The following EHBP1 variants were observed in gnomAD, a reference collection of about 807,000 sequenced individuals.
EHBP1 encodes EH domain binding protein 1.
EHBP1 carries 55 observed loss-of-function variants against 144.0 expected under a neutral mutation model. The observed-to-expected ratio is 0.38, with a 90% CI of 0.31 to 0.48. EHBP1 has a LOEUF of 0.48. Ranked by LOEUF, EHBP1 falls within the 20% of genes least tolerant of loss-of-function variation. EHBP1 has a pLI of 0.98. For missense variants in EHBP1, 1,200 were observed against 1,364.2 expected, an observed-to-expected ratio of 0.88 and a Z score of 1.90; for synonymous variants, 469 against 472.7, an observed-to-expected ratio of 0.99 and a Z score of 0.10.
chr2:63,043,521 A>G (rs1178391248), intron 21 of EHBP1, among the ~76,000 whole-genome samples: 4 of 152,240 alleles, frequency 2.6e-5, no homozygotes, highest in Non-Finnish European at 4.4e-5. Context: ...ATAGTGATAA[A>G]TTGAATAAAA....
intron 1 of EHBP1, among the ~76,000 whole-genome samples, chr2:62,686,127 C>G (rs1410277840): frequency 6.6e-6 from 1 of 152,070 alleles, no homozygotes; most frequent in African/African-American, 2.4e-5. Context: ...TCATACAAAC[C>G]AAGTGATGAC....
intron 13 of EHBP1, among the ~76,000 whole-genome samples, 157 bp downstream of exon 13, chr2:62,949,319 C>A (rs530554670): frequency 6.6e-6 from 1 of 152,082 alleles, no homozygotes; most frequent in Non-Finnish European, 1.5e-5. Context: ...CCTAAGTCCC[C>A]ACTATTTGGG....
chr2:62,961,260 ATT>A (rs1227557954), intron 14 of EHBP1, among the ~76,000 whole-genome samples: 1 of 152,208 alleles, frequency 6.6e-6, no homozygotes, highest in Non-Finnish European at 1.5e-5. Flanking sequence ...ACCATTGCAT[ATT>A]TTAGTGAATA....
intron 3 of EHBP1, among the ~76,000 whole-genome samples, chr2:62,749,872 T>G (rs2039513973): frequency 6.6e-6 from 1 of 152,248 alleles, no homozygotes; most frequent in Non-Finnish European, 1.5e-5. Context: ...CTTTGTAGAT[T>G]CTGGATATTA....
chr2:62,955,028 T>A (rs756899002), intron 13 of EHBP1, among the ~76,000 whole-genome samples: 1 of 152,122 alleles, frequency 6.6e-6, no homozygotes, highest in Admixed American at 6.5e-5. Flanking sequence ...TACTTTTTTT[T>A]AATGAAATAT....
At chr2:62,841,114 G>A (rs1355277966) in intron 7 of EHBP1, among the ~76,000 whole-genome samples, 1 of 152,086 alleles carries the variant, frequency 6.6e-6, no homozygotes, top group Non-Finnish European at 1.5e-5. Flanking sequence ...TGATAGACTG[G>A]ATTAAGAAAA....
chr2:63,038,891 C>A, intron 21 of EHBP1, 75 bp downstream of exon 21: 1 of 1,386,900 alleles, frequency 7.2e-7, no homozygotes. Flanking sequence ...TAATACACTT[C>A]TGGTCTTACT....
intron 8 of EHBP1, among the ~76,000 whole-genome samples, chr2:62,860,551 A>T (rs999562150): frequency 2.6e-5 from 4 of 152,148 alleles, no homozygotes; most frequent in African/African-American, 9.7e-5. Flanking sequence ...CTTTTCATAG[A>T]TTAGGAAGCT....
At chr2:62,784,697 A>G (rs1280162321) in intron 5 of EHBP1, among the ~76,000 whole-genome samples, 1 of 152,190 alleles carries the variant, frequency 6.6e-6, no homozygotes, top group Non-Finnish European at 1.5e-5. Context: ...AAAGGCACAG[A>G]GATAAAATTG....
intron 16 of EHBP1, 55 bp from the exon 17 acceptor site, chr2:62,993,475 T>C: frequency 7.3e-7 from 1 of 1,379,130 alleles, no homozygotes. Context: ...TACTAATGTG[T>C]AATTTTATGT....
At chr2:62,889,861 A>G (rs759046156) in intron 10 of EHBP1, among the ~76,000 whole-genome samples, 3 of 150,206 alleles carry the variant, frequency 2.0e-5, no homozygotes, top group African/African-American at 7.4e-5. Context: ...GCCCTGTAGT[A>G]TAGTTTGAAG....
At chr2:62,734,030 TG>T (rs2037866837) in intron 2 of EHBP1, among the ~76,000 whole-genome samples, 1 of 152,220 alleles carries the variant, frequency 6.6e-6, no homozygotes, top group Non-Finnish European at 1.5e-5. Context: ...TCAGTTTGTT[TG>T]TTTTTTTATG....
chr2:62,911,914 A>G (rs551689424), intron 10 of EHBP1, among the ~76,000 whole-genome samples: 8 of 152,220 alleles, frequency 5.3e-5, no homozygotes, highest in Non-Finnish European at 7.4e-5. Flanking sequence ...AGATTTTTCA[A>G]TGAGAATACT....
At chr2:62,933,420 C>G (rs1170742564) in intron 10 of EHBP1, among the ~76,000 whole-genome samples, 2 of 152,128 alleles carry the variant, frequency 1.3e-5, no homozygotes, top group African/African-American at 2.4e-5. Flanking sequence ...TTTGATACTA[C>G]ACCAAAACTC....
intron 1 of EHBP1, among the ~76,000 whole-genome samples, chr2:62,700,193 G>A (rs555355858): frequency 6.1e-4 from 93 of 152,172 alleles, no homozygotes; most frequent in African/African-American, 2.0e-3. Flanking sequence ...CACCTTTTAA[G>A]AGAATAAACA....
At chr2:62,977,613 T>C (rs750791108) in intron 14 of EHBP1, among the ~76,000 whole-genome samples, 3 of 152,180 alleles carry the variant, frequency 2.0e-5, no homozygotes, top group Non-Finnish European at 4.4e-5. Flanking sequence ...TATAAGTTTT[T>C]TGAGAGTATA....
chr2:62,692,131 A>G (rs1315601193), intron 1 of EHBP1, among the ~76,000 whole-genome samples: 1 of 152,202 alleles, frequency 6.6e-6, no homozygotes, highest in African/African-American at 2.4e-5. Flanking sequence ...TAATCATACA[A>G]TATGTGTCTT....
intron 14 of EHBP1, among the ~76,000 whole-genome samples, chr2:62,975,171 C>A (rs1466002193): frequency 6.6e-6 from 1 of 152,146 alleles, no homozygotes; most frequent in Non-Finnish European, 1.5e-5. Context: ...AACTGAAGCA[C>A]CTACATGTAA....
At position 62,955,605 on chromosome 2, in the gene EHBP1, G is replaced by A; in HGVS notation, c.2405G>A (p.Gly802Glu). 6.2e-7 allele frequency: 1 copy of A among 1,612,458 alleles called. No homozygotes were observed. The highest frequency in any genetic ancestry group is 8.5e-7 in the Non-Finnish European group (1 of 1,179,002). The change falls in exon 14 of 23, where the codon GGG (glycine) becomes GAG (glutamate). Residue 802 changes from glycine (G) to glutamate (E), a missense_variant. By Grantham distance (98) the Gly-to-Glu change is moderately conservative. Around this residue, in one of 6 missense-constraint regions of EHBP1, gnomAD observed 543 missense variants for 513.1 expected, o/e 1.06. Coordinates refer to ENST00000431489, the MANE Select transcript of EHBP1 (RefSeq NM_001142616.3). ...QARRDAALKA[G>E]NKHNTNTATP... is the part of the protein sequence containing the mutation. ...AGAAGAGATGCAGCCTTAAAGGCGG[G>A]GAATAAGCACAATACCAACACAGCC... is the stretch of plus-strand genomic sequence containing the variant.
Sources: allele counts gnomAD v4.1 joint callset (sites outside exome capture counted in the v4.1 genomes callset), GRCh38; gene constraint gnomAD v4.1.1; regional missense constraint gnomAD v4.1.1; transcripts MANE v1.5; gene names NCBI Gene and HGNC (gene_info 2026-07-23, HGNC 2026-07-21).